PLXNA4: variants seen among roughly 807,000 people sequenced by gnomAD.
PLXNA4 encodes the protein plexin A4, also known as plexin-A4.
Under a neutral mutation model 191.8 loss-of-function variants are expected in PLXNA4, and 44 were observed. The ratio of observed to expected loss-of-function variants is 0.23; its 90% confidence interval spans 0.18 to 0.29. The LOEUF (loss-of-function observed/expected upper bound fraction) is 0.29. Ranked by LOEUF, PLXNA4 falls within the 10% of genes least tolerant of loss-of-function variation. PLXNA4 has a pLI of 1.00. For synonymous variants in PLXNA4, 1,082 were observed against 1,009.5 expected (o/e 1.07, Z -1.36); for missense variants, 1,800 against 2,488.8 (o/e 0.72, Z 5.89).
At chr7:132,228,248 C>A (rs1798398312) in intron 6 of PLXNA4, 98 bp downstream of exon 6, 4 of 1,533,134 alleles carry the variant, frequency 2.6e-6, no homozygotes, top group Non-Finnish European at 3.5e-6. Context: ...CCGGGCTTGG[C>A]CCAGTCCTCC....
At chr7:132,338,887 G>A (rs1802918417) in intron 3 of PLXNA4, among the ~76,000 whole-genome samples, 1 of 152,186 alleles carries the variant, frequency 6.6e-6, no homozygotes, top group Non-Finnish European at 1.5e-5. Flanking sequence ...TTTCTGGGCT[G>A]CAGCAGTATC....
intron 1 of PLXNA4, among the ~76,000 whole-genome samples, chr7:132,534,558 G>T (rs1289941005): frequency 6.6e-6 from 1 of 152,198 alleles, no homozygotes; most frequent in East Asian, 1.9e-4. Context: ...TGTAGTGGCG[G>T]AATGGGGTGA....
chr7:132,488,134 T>C (rs186059204), intron 3 of PLXNA4, among the ~76,000 whole-genome samples: 2 of 152,218 alleles, frequency 1.3e-5, no homozygotes, highest in Admixed American at 1.3e-4. Flanking sequence ...TCATTACCCA[T>C]AGAATTACTC....
chr7:132,598,010 A>G (rs920359968), intron 2 of PLXNA4, among the ~76,000 whole-genome samples: 1 of 152,158 alleles, frequency 6.6e-6, no homozygotes, highest in Non-Finnish European at 1.5e-5. Flanking sequence ...TGGAATATAT[A>G]CTCAGGAGTG....
chr7:132,439,588 C>G (rs1375005327), intron 3 of PLXNA4, among the ~76,000 whole-genome samples: 1 of 152,128 alleles, frequency 6.6e-6, no homozygotes, highest in Non-Finnish European at 1.5e-5. Context: ...TGCTGGGGAT[C>G]TTTGTGGGAG....
chr7:132,146,624 A>G lies in PLXNA4; in HGVS notation c.4941T>C (p.Ser1647=). The part of the protein sequence containing the change: ...RTPMITPDLE[S]GVKMWHLVKN... ...TCACTAGGTGCCACATCTTGACTCCACTCTCCAGGTCAGGAGTGATCATAG... is the reference window on the plus strand; with the variant it reads ...TCACTAGGTGCCACATCTTGACTCCGCTCTCCAGGTCAGGAGTGATCATAG... The change falls in exon 28 of 32, where the codon AGT becomes AGC. Residue 1647 remains serine, a synonymous_variant. Coordinates refer to ENST00000321063, the MANE Select transcript of PLXNA4 (RefSeq NM_020911.2). The G allele has an allele frequency of 6.2e-7, 1 of 1,613,378 alleles. No individual in the cohort carries two copies. Among genetic ancestry groups the G allele is most frequent in the Non-Finnish European group, 8.5e-7 (1 of 1,179,842 alleles).
chr7:132,583,815 G>A (rs1340381857), intron 2 of PLXNA4, among the ~76,000 whole-genome samples: 1 of 152,178 alleles, frequency 6.6e-6, no homozygotes, highest in African/African-American at 2.4e-5. Flanking sequence ...TCACAAATGT[G>A]AGATGTCCCT....
Position 132,648,513 on chromosome 7 carries a change from C to A in PLXNA4, c.-203+1G>T, listed in dbSNP as rs773826880. The A allele has an allele frequency of 6.6e-6, 1 of 152,224 alleles. No homozygotes were observed. The highest frequency in any genetic ancestry group is 2.1e-4 in the South Asian group (1 of 4,832). 9.4% of individuals were successfully genotyped at this position (152,224 alleles called of 1,614,324 possible). A position where few individuals can be genotyped will look rare whatever the true frequency, so the allele number is the denominator to read the frequency against. The stretch of plus-strand genomic sequence containing the variant: ...GGGCTCCTCCGCCCAATGCTTTTTA[C>A]CTTTTCGGGGTAATTAAAGCAGAAG... On this transcript the variant is annotated splice_donor_variant, in intron 1 of 4. Transcript: ENST00000378539. LOFTEE classifies it low-confidence loss of function (5UTR_SPLICE).
intron 4 of PLXNA4, among the ~76,000 whole-genome samples, chr7:132,261,081 A>T (rs1026068180): frequency 3.3e-5 from 5 of 152,202 alleles, no homozygotes; most frequent in African/African-American, 1.2e-4. Context: ...GCAGTATACT[A>T]CTGTTTTATC....
chr7:132,591,977 C>T (rs1181946177), intron 2 of PLXNA4, among the ~76,000 whole-genome samples: 4 of 152,144 alleles, frequency 2.6e-5, no homozygotes, highest in Non-Finnish European at 5.9e-5. Flanking sequence ...GTTCATCTTC[C>T]GTATGTGTCT....
intron 6 of PLXNA4, 66 bp downstream of exon 6, chr7:132,228,280 A>G: frequency 1.9e-6 from 3 of 1,603,728 alleles, no homozygotes; most frequent in Middle Eastern, 1.7e-4. Flanking sequence ...GGGCTAAGGC[A>G]CTTTTTAGTG....
intron 24 of PLXNA4, 122 bp from the exon 25 acceptor site, chr7:132,159,754 G>A: frequency 6.7e-7 from 1 of 1,488,386 alleles, no homozygotes; most frequent in East Asian, 2.3e-5. Context: ...GGGCTAGGGA[G>A]GAGTAGGGTG....
At position 132,133,071 on chromosome 7, in the gene PLXNA4, T is replaced by C. The variant is rs1280604020; in HGVS notation, c.5567A>G (p.Tyr1856Cys). The C allele has an allele frequency of 6.2e-7, 1 of 1,614,148 alleles. No individual in the cohort carries two copies. The highest frequency in any genetic ancestry group is 8.5e-7 in the Non-Finnish European group (1 of 1,180,004). The change falls in exon 31 of 32, where the codon TAT becomes TGT. Residue 1856 changes from tyrosine to cysteine, a missense_variant. By Grantham distance (194) the Tyr-to-Cys change is radical. This residue lies in a region of PLXNA4 where 83 missense variants were observed against 81.6 expected (regional missense o/e 1.02). Transcript: ENST00000321063. ...TACCTCCTCGCTGTATTTGCCCACA[T>C]AGGAGAAGATCTCTGAGAGTGCACT... Reference protein sequence around the residue: ...TMSALSEIFSYVGKYSEEILG... With the variant: ...TMSALSEIFSCVGKYSEEILG...
intron 2 of PLXNA4, among the ~76,000 whole-genome samples, chr7:132,629,882 T>A (rs1370458390): frequency 1.3e-5 from 2 of 151,872 alleles, no homozygotes; most frequent in Admixed American, 1.3e-4. Context: ...CAGAGTCTCG[T>A]TCTGTCACCC....
At chr7:132,604,339 G>A (rs1802882701) in intron 2 of PLXNA4, among the ~76,000 whole-genome samples, 1 of 152,224 alleles carries the variant, frequency 6.6e-6, no homozygotes, top group South Asian at 2.1e-4. Flanking sequence ...TTCAGATGAA[G>A]AGAGAGAAGA....
chr7:132,563,174 C>T (rs1181186044), intron 1 of PLXNA4, among the ~76,000 whole-genome samples: 3 of 62,980 alleles, frequency 4.8e-5, no homozygotes, highest in Non-Finnish European at 1.1e-4. Context: ...TCCTTCTCCT[C>T]CTCCTTCTCC....
At chr7:132,639,803 T>G (rs1803679379) in intron 2 of PLXNA4, among the ~76,000 whole-genome samples, 1 of 152,230 alleles carries the variant, frequency 6.6e-6, no homozygotes, top group Non-Finnish European at 1.5e-5. Flanking sequence ...GTAAAAGTCT[T>G]AAAGCCATGG....
intron 3 of PLXNA4, among the ~76,000 whole-genome samples, chr7:132,433,941 G>C (rs1795370129): frequency 6.6e-6 from 1 of 152,234 alleles, no homozygotes; most frequent in African/African-American, 2.4e-5. Flanking sequence ...AGAAGGAAAA[G>C]TTGATGATCC....
intron 4 of PLXNA4, among the ~76,000 whole-genome samples, chr7:132,287,422 A>G (rs1042938270): frequency 6.6e-5 from 10 of 152,192 alleles, no homozygotes; most frequent in Non-Finnish European, 1.3e-4. Context: ...TCAATCCTAA[A>G]AGTGCTGAAA....
Sources: gnomAD v4.1 joint callset for allele counts (sites outside exome capture counted in the v4.1 genomes callset) on GRCh38, gnomAD v4.1.1 for gene constraint, gnomAD v4.1.1 regional missense constraint, MANE v1.5 for transcripts, NCBI Gene and HGNC (gene_info 2026-07-23, HGNC 2026-07-21) for gene names.